The following FGF12 variants were observed in gnomAD, a reference collection of about 807,000 sequenced individuals.
FGF12 encodes fibroblast growth factor 12.
In FGF12, 14 loss-of-function variants were observed where a neutral mutation model predicts 23.6. The ratio of observed to expected loss-of-function variants is 0.59; its 90% CI spans 0.39 to 0.93. The LOEUF is 0.93. Among genes scored for constraint, FGF12 ranks in the 40% least tolerant of loss-of-function variants. FGF12 has a pLI of 0.00. For synonymous variants in FGF12, 62 were observed against 77.3 expected (o/e 0.80, Z 1.04); for missense variants, 175 against 217.8 (o/e 0.80, Z 1.24).
chr3:192,226,656 G>C (rs145521428), intron 4 of FGF12, among the ~76,000 whole-genome samples: 1 of 152,206 alleles, frequency 6.6e-6, no homozygotes, highest in Admixed American at 6.5e-5. Flanking sequence ...GGTCATGAGG[G>C]CAGAACACTC....
chr3:192,361,548 T>G (rs1185175139), intron 2 of FGF12, among the ~76,000 whole-genome samples: 1 of 152,204 alleles, frequency 6.6e-6, no homozygotes, highest in African/African-American at 2.4e-5. Flanking sequence ...CATGGTATCC[T>G]CAGAAGGACA....
intron 2 of FGF12, among the ~76,000 whole-genome samples, chr3:192,374,112 A>G (rs1419172938): frequency 6.6e-6 from 1 of 152,258 alleles, no homozygotes; most frequent in Non-Finnish European, 1.5e-5. Flanking sequence ...TAACATTAAA[A>G]TGTATGTTGC....
chr3:192,435,270 T>G (rs1267575274), intron 2 of FGF12, among the ~76,000 whole-genome samples: 1 of 152,178 alleles, frequency 6.6e-6, no homozygotes, highest in Non-Finnish European at 1.5e-5. Flanking sequence ...CTAGTTTTTT[T>G]TAAAAAAACT....
intron 2 of FGF12, among the ~76,000 whole-genome samples, chr3:192,382,593 C>T (rs1265148021): frequency 6.6e-6 from 1 of 151,914 alleles, no homozygotes; most frequent in East Asian, 1.9e-4. Flanking sequence ...GCTGGTTTAC[C>T]CAAGCAATAA....
intron 2 of FGF12, among the ~76,000 whole-genome samples, chr3:192,559,876 A>T (rs1056441033): frequency 6.6e-6 from 1 of 152,108 alleles, no homozygotes; most frequent in African/African-American, 2.4e-5. Context: ...AGAAGATTTC[A>T]GCACTATCTC....
chr3:192,575,490 T>G (rs1480364859), intron 2 of FGF12, among the ~76,000 whole-genome samples: 1 of 151,742 alleles, frequency 6.6e-6, no homozygotes, highest in African/African-American at 2.4e-5. Flanking sequence ...CACAGCAACA[T>G]GGAGGAGGAA....
At chr3:192,394,584 C>A (rs759290978) in intron 2 of FGF12, among the ~76,000 whole-genome samples, 5 of 152,064 alleles carry the variant, frequency 3.3e-5, no homozygotes, top group Non-Finnish European at 5.9e-5. Context: ...TGATAGTAAC[C>A]CTTTCATGCT....
chr3:192,143,544 GC>G lies in FGF12; in HGVS notation c.*464del, dbSNP rs1433986147. On this transcript the variant is annotated 3_prime_UTR_variant, in exon 6 of 6. Transcript: ENST00000445105. Reference sequence around the variant, plus strand: ...ATGTAATGGTGTGTCAATTCCAGATGCCCAAATAAAATACAAAATCAAGCAA... The same window carrying G: ...ATGTAATGGTGTGTCAATTCCAGATGCCAAATAAAATACAAAATCAAGCAA... 6.6e-6 allele frequency: 1 copy of G among 152,666 alleles called. No homozygotes were observed. The highest frequency in any genetic ancestry group is 1.5e-5 in the Non-Finnish European group (1 of 68,418). The allele number at this position is 152,666 out of a possible 1,614,324, so 9.5% of individuals were successfully genotyped here. A position where few individuals can be genotyped will look rare whatever the true frequency, so the allele number is the denominator to read the frequency against.
At chr3:192,351,035 TAGC>T (rs778478672) in intron 3 of FGF12, among the ~76,000 whole-genome samples, 1 of 152,216 alleles carries the variant, frequency 6.6e-6, no homozygotes, top group Non-Finnish European at 1.5e-5. Flanking sequence ...ACACTGAAAG[TAGC>T]AGTGAATTCA....
At chr3:192,309,164 A>G (rs971140224) in intron 4 of FGF12, among the ~76,000 whole-genome samples, 1 of 152,220 alleles carries the variant, frequency 6.6e-6, no homozygotes, top group African/African-American at 2.4e-5. Flanking sequence ...TGCAGAGTGC[A>G]AAGGAAGAGA....
Position 192,592,811 on chromosome 3 carries a change from G to A in FGF12, c.13+134370C>T, listed in dbSNP as rs79244622. Among the ~76,000 whole-genome samples, 611 of 151,992 alleles carry A rather than the reference G, an allele frequency of 4.0e-3. 8 individuals are homozygous for A. Among genetic ancestry groups the A allele is most frequent in the Admixed American group, 0.011 (165 of 15,260 alleles). ...TTTCATGGAGACTCAGTACACCTCAGCTCGACTCATAGCTCCTCTAGTGCT... is the reference window on the plus strand; with the variant it reads ...TTTCATGGAGACTCAGTACACCTCAACTCGACTCATAGCTCCTCTAGTGCT... On this transcript the variant is annotated intron_variant, in intron 2 of 5. Coordinates refer to ENST00000445105, the MANE Select transcript of FGF12 (RefSeq NM_004113.6).
chr3:192,297,763 T>C (rs907920841), intron 4 of FGF12, among the ~76,000 whole-genome samples: 2 of 152,200 alleles, frequency 1.3e-5, no homozygotes, highest in Non-Finnish European at 2.9e-5. Flanking sequence ...CTATTTGAAA[T>C]AGAATCTCTA....
chr3:192,591,967 A>G (rs1258800293), intron 2 of FGF12, among the ~76,000 whole-genome samples: 2 of 151,778 alleles, frequency 1.3e-5, no homozygotes, highest in East Asian at 1.9e-4. Context: ...AGAAAAAAAA[A>G]TTATAAGAAA....
chr3:192,519,574 GA>G (rs1225058232), intron 2 of FGF12, among the ~76,000 whole-genome samples: 2 of 151,980 alleles, frequency 1.3e-5, no homozygotes, highest in Non-Finnish European at 2.9e-5. Context: ...ATATATTGAG[GA>G]AAAAACTTTG....
chr3:192,603,180 C>T (rs1313385197), intron 2 of FGF12, among the ~76,000 whole-genome samples: 1 of 152,110 alleles, frequency 6.6e-6, no homozygotes, highest in African/African-American at 2.4e-5. Flanking sequence ...GAAGTCCTAG[C>T]CAGAGCAGTC....
intron 2 of FGF12, among the ~76,000 whole-genome samples, chr3:192,604,140 A>G (rs1482875303): frequency 6.6e-6 from 1 of 152,054 alleles, no homozygotes; most frequent in African/African-American, 2.4e-5. Context: ...CTCTTTTTGC[A>G]TGCACGTGCA....
intron 2 of FGF12, among the ~76,000 whole-genome samples, chr3:192,413,782 G>A (rs1383891544): frequency 1.3e-5 from 2 of 152,166 alleles, no homozygotes; most frequent in Admixed American, 6.5e-5. Flanking sequence ...CTGAGATCAG[G>A]CCCCTGACTC....
intron 2 of FGF12, among the ~76,000 whole-genome samples, chr3:192,475,804 G>A (rs1560122528): frequency 2.0e-5 from 3 of 152,264 alleles, no homozygotes; most frequent in East Asian, 1.9e-4. Flanking sequence ...TCTGAAATAC[G>A]ATTCCGACCT....
intron 2 of FGF12, among the ~76,000 whole-genome samples, chr3:192,696,365 T>C (rs1364307716): frequency 1.3e-5 from 2 of 152,112 alleles, no homozygotes; most frequent in African/African-American, 4.8e-5. Context: ...GAGGGCACCA[T>C]GTGGGCAATG....
Sources: allele counts gnomAD v4.1 joint callset (sites outside exome capture counted in the v4.1 genomes callset), GRCh38; gene constraint gnomAD v4.1.1; transcripts MANE v1.5; gene names NCBI Gene and HGNC (gene_info 2026-07-23, HGNC 2026-07-21).